Variants in KCND2 observed in about 807,000 individuals in gnomAD.
KCND2 encodes A-type voltage-gated potassium channel KCND2.
KCND2 carries 16 observed loss-of-function variants against 54.4 expected under a neutral mutation model. That is an observed-to-expected ratio of 0.29 (90% CI 0.20 to 0.45). The LOEUF (loss-of-function observed/expected upper bound fraction) is 0.45. Ranked by LOEUF, KCND2 falls within the 20% of genes least tolerant of loss-of-function variation. KCND2 has a pLI of 1.00. For missense variants in KCND2, 486 were observed against 824.2 expected (o/e 0.59, Z 5.02); for synonymous variants, 317 against 310.7 (o/e 1.02, Z -0.21).
chr7:120,279,445 C>A (rs1177183103), intron 1 of KCND2, among the ~76,000 whole-genome samples: 1 of 151,812 alleles, frequency 6.6e-6, no homozygotes, highest in Non-Finnish European at 1.5e-5. Flanking sequence ...AAATTGTTTT[C>A]ATCAAAGTGT....
intron 1 of KCND2, among the ~76,000 whole-genome samples, chr7:120,572,608 C>T (rs1228904539): frequency 6.6e-6 from 1 of 152,138 alleles, no homozygotes; most frequent in Non-Finnish European, 1.5e-5. Flanking sequence ...ACCTCCAACT[C>T]CCAAGTTCAA....
At chr7:120,555,188 C>T (rs946018369) in intron 1 of KCND2, among the ~76,000 whole-genome samples, 2 of 152,192 alleles carry the variant, frequency 1.3e-5, no homozygotes, top group Admixed American at 6.5e-5. Flanking sequence ...ATGCCTCCTA[C>T]TACACCTAGA....
chr7:120,410,345 G>A (rs558803174), intron 1 of KCND2, among the ~76,000 whole-genome samples: 3 of 151,678 alleles, frequency 2.0e-5, no homozygotes, highest in Non-Finnish European at 4.4e-5. Flanking sequence ...TGTTCTTATT[G>A]TTTAAAATTC....
intron 1 of KCND2, among the ~76,000 whole-genome samples, chr7:120,413,782 A>G (rs1427734773): frequency 2.6e-5 from 4 of 151,948 alleles, no homozygotes; most frequent in African/African-American, 7.2e-5. Context: ...TTTTAAATAA[A>G]TATTTCTTGT....
chr7:120,528,398 G>T (rs988218825), intron 1 of KCND2, among the ~76,000 whole-genome samples: 2 of 152,072 alleles, frequency 1.3e-5, no homozygotes, highest in Non-Finnish European at 2.9e-5. Flanking sequence ...CATTTTAGAA[G>T]ATTGCTTAGC....
At chr7:120,694,205 C>T (rs575339449) in intron 1 of KCND2, among the ~76,000 whole-genome samples, 19 of 152,212 alleles carry the variant, frequency 1.2e-4, no homozygotes, top group Middle Eastern at 3.4e-3. Flanking sequence ...TCTTCATTTC[C>T]CAGAATTCTG....
chr7:120,316,566 C>T (rs1439209781), intron 1 of KCND2, among the ~76,000 whole-genome samples: 1 of 152,016 alleles, frequency 6.6e-6, no homozygotes, highest in Non-Finnish European at 1.5e-5. Flanking sequence ...CCTTTTTATT[C>T]CAATGGATTT....
chr7:120,596,343 AAT>A (rs1792745399), intron 1 of KCND2, among the ~76,000 whole-genome samples: 1 of 152,208 alleles, frequency 6.6e-6, no homozygotes, highest in Admixed American at 6.5e-5. Context: ...CTGCTCCAGA[AAT>A]ATGAGGGATC....
At chr7:120,679,507 C>T (rs989664803) in intron 1 of KCND2, among the ~76,000 whole-genome samples, 3 of 151,934 alleles carry the variant, frequency 2.0e-5, no homozygotes, top group African/African-American at 4.8e-5. Context: ...TGACATGATT[C>T]CTTTTAAAAT....
chr7:120,439,569 AC>A (rs1313733259), intron 1 of KCND2, among the ~76,000 whole-genome samples: 2 of 152,032 alleles, frequency 1.3e-5, no homozygotes, highest in Non-Finnish European at 2.9e-5. Context: ...TGTGGACTGT[AC>A]TTACCCTACA....
chr7:120,420,445 GAAAGAAA>G (rs1801595420), intron 1 of KCND2, among the ~76,000 whole-genome samples: 1 of 152,102 alleles, frequency 6.6e-6, no homozygotes, highest in Admixed American at 6.6e-5. Context: ...GATAGAGAGG[GAAAGAAA>G]AAAGAAAGAG....
chr7:120,332,769 T>A (rs1800086586), intron 1 of KCND2, among the ~76,000 whole-genome samples: 1 of 152,068 alleles, frequency 6.6e-6, no homozygotes, highest in Non-Finnish European at 1.5e-5. Flanking sequence ...CTCTTCTTTT[T>A]ATAAAAACAA....
intron 1 of KCND2, among the ~76,000 whole-genome samples, chr7:120,668,811 A>G (rs1791957960): frequency 6.6e-6 from 1 of 152,078 alleles, no homozygotes; most frequent in Non-Finnish European, 1.5e-5. Context: ...CAACATTAAA[A>G]TTACAGTGCT....
intron 1 of KCND2, among the ~76,000 whole-genome samples, chr7:120,621,265 A>T (rs1793093950): frequency 7.3e-6 from 1 of 137,520 alleles, no homozygotes; most frequent in African/African-American, 2.9e-5. Context: ...CGACAGAGCA[A>T]GACTCCGTCT....
At position 120,281,935 on chromosome 7, in the gene KCND2, T is replaced by C. The variant is rs75917240; in HGVS notation, c.1115+6188T>C. ...ACATTTTGTCCTCTCATCTACTAAA[T>C]GTACCCTTTTAATTTTTCTCTTTTT... On this transcript the variant is annotated intron_variant, in intron 1 of 5. Transcript: ENST00000331113. Among the ~76,000 whole-genome samples, 14 of 152,308 alleles carry C rather than the reference T, an allele frequency of 9.2e-5. No individual in the cohort carries two copies. In the East Asian group the frequency reaches 2.1e-3, roughly 23 times the overall value.
intron 1 of KCND2, among the ~76,000 whole-genome samples, chr7:120,643,407 A>T (rs754377166): frequency 5.9e-5 from 9 of 152,090 alleles, no homozygotes; most frequent in Non-Finnish European, 1.3e-4. Context: ...TTAACATAAA[A>T]ATATATATAT....
chr7:120,621,685 A>G (rs899335742), intron 1 of KCND2, among the ~76,000 whole-genome samples: 1 of 152,200 alleles, frequency 6.6e-6, no homozygotes, highest in Non-Finnish European at 1.5e-5. Flanking sequence ...CTTTGCTGTC[A>G]CCAAGTACAA....
At chr7:120,420,834 A>G (rs1195481173) in intron 1 of KCND2, among the ~76,000 whole-genome samples, 1 of 152,188 alleles carries the variant, frequency 6.6e-6, no homozygotes, top group Admixed American at 6.5e-5. Flanking sequence ...CATACCTCTG[A>G]AAAGTATTAC....
At chr7:120,638,509 T>G (rs11981389) in intron 1 of KCND2, among the ~76,000 whole-genome samples, 5,250 of 152,216 alleles carry the variant, frequency 0.034, 210 homozygotes, top group African/African-American at 0.1. Flanking sequence ...TAACCAGATA[T>G]TTGCTTTACC....
Sources: gnomAD v4.1 joint callset for allele counts (sites outside exome capture counted in the v4.1 genomes callset) on GRCh38, gnomAD v4.1.1 for gene constraint, MANE v1.5 for transcripts, NCBI Gene and HGNC (gene_info 2026-07-23, HGNC 2026-07-21) for gene names.